Variants in KLRD1 observed in about 807,000 individuals in gnomAD.
KLRD1 encodes the protein natural killer cells antigen CD94.
KLRD1 carries 21 observed loss-of-function variants against 22.6 expected under a neutral mutation model. The observed-to-expected ratio is 0.93, with a 90% CI of 0.66 to 1.34. The LOEUF is 1.34. KLRD1 is among the 40% of genes most tolerant of loss of function. KLRD1 has a pLI of 0.00. For synonymous variants in KLRD1, 59 were observed against 71.1 expected (o/e 0.83, Z 0.85); for missense variants, 183 against 208.6 (o/e 0.88, Z 0.76).
chr12:10,310,703 T>C lies in KLRD1; in HGVS notation c.164-761T>C, dbSNP rs1950044263. Among the ~76,000 whole-genome samples the C allele has an allele frequency of 3.3e-5, 5 of 152,246 alleles. No individual in the cohort carries two copies. In the South Asian group the frequency reaches 1.0e-3, roughly 32 times the overall value. ...AGGAGGCTGAGGCATGAGAATCACT[T>C]GAACCTGGGAGGCGGAGGTTGAAGG... On this transcript the variant is annotated intron_variant, in intron 3 of 5. Transcript: ENST00000336164.
chr12:10,255,682 T>A (rs1366259261), intron 1 of KLRD1, among the ~76,000 whole-genome samples: 2 of 152,198 alleles, frequency 1.3e-5, no homozygotes, highest in Admixed American at 1.3e-4. Context: ...CATTCCATTG[T>A]GATAGGAAAT....
intron 1 of KLRD1, among the ~76,000 whole-genome samples, chr12:10,273,921 A>C (rs1403324456): frequency 6.6e-6 from 1 of 152,200 alleles, no homozygotes. Context: ...ACATATCAAC[A>C]GTAAAGGTAA....
intron 1 of KLRD1, among the ~76,000 whole-genome samples, chr12:10,280,144 T>C (rs1949626653): frequency 6.6e-6 from 1 of 152,200 alleles, no homozygotes; most frequent in Admixed American, 6.6e-5. Context: ...CTAGCAACAC[T>C]GTGGTTGGAA....
At chr12:10,244,994 T>TA (rs922258360) in intron 1 of KLRD1, among the ~76,000 whole-genome samples, 3 of 152,178 alleles carry the variant, frequency 2.0e-5, no homozygotes, top group African/African-American at 7.2e-5. Flanking sequence ...ATTATTGTCA[T>TA]AATGCAGCAA....
chr12:10,266,432 A>G (rs568985547), intron 1 of KLRD1, among the ~76,000 whole-genome samples: 10 of 152,180 alleles, frequency 6.6e-5, no homozygotes, highest in Admixed American at 2.0e-4. Flanking sequence ...TTTCCTACTT[A>G]TGTATCCTTG....
In KLRD1 at chr12:10,328,217, G is replaced by A. The variant is rs1426609942; in HGVS notation, c.*13424G>A. Reference sequence around the variant, plus strand: ...ATTCTTTTTAAATTTTTATATAATAGCTTGGGAAAGATGGCCATTAATTTC... The same window carrying A: ...ATTCTTTTTAAATTTTTATATAATAACTTGGGAAAGATGGCCATTAATTTC... On this transcript the variant is annotated 3_prime_UTR_variant, in exon 6 of 6. Coordinates refer to ENST00000336164, the MANE Select transcript of KLRD1 (RefSeq NM_002262.5). 2 of 152,076 alleles carry A rather than the reference G, an allele frequency of 1.3e-5. No homozygotes were observed. Among genetic ancestry groups the A allele is most frequent in the Non-Finnish European group, 2.9e-5 (2 of 68,004 alleles). 9.4% of individuals were successfully genotyped at this position (152,076 alleles called of 1,614,324 possible).
chr12:10,254,611 G>T (rs1253141832), intron 1 of KLRD1, among the ~76,000 whole-genome samples: 1 of 152,008 alleles, frequency 6.6e-6, no homozygotes, highest in Non-Finnish European at 1.5e-5. Flanking sequence ...GCAAAAGGCT[G>T]GGCGTGGTGG....
At chr12:10,243,920 T>C (rs1949266448) in intron 1 of KLRD1, among the ~76,000 whole-genome samples, 1 of 152,172 alleles carries the variant, frequency 6.6e-6, no homozygotes, top group Non-Finnish European at 1.5e-5. Context: ...GCTGCAGGTA[T>C]GCGGGACTAA....
intron 5 of KLRD1, 76 bp downstream of exon 5, chr12:10,313,589 C>G (rs1950150367): frequency 1.3e-6 from 1 of 760,372 alleles, no homozygotes. Flanking sequence ...AGGTAACATC[C>G]AGGAGCACTG....
At chr12:10,304,901 G>C (rs976918672), upstream of KLRD1, among the ~76,000 whole-genome samples, 3 of 152,070 alleles carry the variant, frequency 2.0e-5, no homozygotes, top group Non-Finnish European at 4.4e-5. Flanking sequence ...TTTTTTCTCA[G>C]GGAGCCCTCT....
intron 1 of KLRD1, among the ~76,000 whole-genome samples, chr12:10,243,632 A>AAAAAAAAAAAGC (rs1565445087): frequency 7.6e-6 from 1 of 131,486 alleles, no homozygotes; most frequent in African/African-American, 3.5e-5. Flanking sequence ...AAAAAAAAAA[A>AAAAAAAAAAAGC]ACCGAAATGA....
rs894117599 is a variant in KLRD1 at position 10,269,089 on chromosome 12, G to T, written c.-100-38889G>T. Among the ~76,000 whole-genome samples, 8 of 152,112 alleles carry T rather than the reference G, an allele frequency of 5.3e-5. No homozygotes were observed. In the South Asian group the frequency reaches 1.5e-3, roughly 28 times the overall value. ...AGTGAGAATCTTTCATCCTTTGGTA[G>T]ATACTGAACAGCTTATCTAGTAGTC... On this transcript the variant is annotated intron_variant, in intron 1 of 5. Transcript: ENST00000544747.
intron 5 of KLRD1, 138 bp downstream of exon 5, chr12:10,313,651 A>G: frequency 2.1e-6 from 1 of 481,792 alleles, no homozygotes; most frequent in Non-Finnish European, 3.7e-6. Context: ...AGGAAAAAGT[A>G]CAACAAAATA....
chr12:10,263,172 A>G (rs190519949), intron 1 of KLRD1, among the ~76,000 whole-genome samples: 117 of 152,100 alleles, frequency 7.7e-4, no homozygotes, highest in African/African-American at 2.7e-3. Flanking sequence ...AACTCTCTCT[A>G]ATTTTCACTT....
chr12:10,288,345 TA>T (rs1949730788), intron 1 of KLRD1, among the ~76,000 whole-genome samples: 1 of 152,100 alleles, frequency 6.6e-6, no homozygotes, highest in African/African-American at 2.4e-5. Flanking sequence ...AATTATTATA[TA>T]ATAAACCTAC....
chr12:10,284,273 A>G (rs1035173144), intron 1 of KLRD1, among the ~76,000 whole-genome samples: 2 of 152,224 alleles, frequency 1.3e-5, no homozygotes, highest in African/African-American at 4.8e-5. Flanking sequence ...ACCTTGTCCA[A>G]TCTATACATA....
chr12:10,302,237 A>AAAAATGCAATTTCTGC (rs1389419406), upstream of KLRD1, among the ~76,000 whole-genome samples: 5 of 152,246 alleles, frequency 3.3e-5, no homozygotes, highest in Admixed American at 2.6e-4. Flanking sequence ...TCAATTTGTA[A>AAAAATGCAATTTCTGC]AAAATGCAAT....
intron 1 of KLRD1, among the ~76,000 whole-genome samples, chr12:10,242,261 T>G (rs1489520330): frequency 6.6e-6 from 1 of 152,126 alleles, no homozygotes; most frequent in Non-Finnish European, 1.5e-5. Context: ...CAAGCTGATT[T>G]CATTTTACTA....
intron 4 of KLRD1, 51 bp from the exon 5 acceptor site, chr12:10,313,359 C>A: frequency 9.1e-7 from 1 of 1,100,080 alleles, no homozygotes; most frequent in Non-Finnish European, 1.4e-6. Flanking sequence ...ATATGTTATT[C>A]CCAGAATAGA....
Sources: allele counts gnomAD v4.1 joint callset (sites outside exome capture counted in the v4.1 genomes callset), GRCh38; gene constraint gnomAD v4.1.1; transcripts MANE v1.5; gene names NCBI Gene and HGNC (gene_info 2026-07-23, HGNC 2026-07-21).